The following CNTNAP2 variants were observed in gnomAD, a reference collection of about 807,000 sequenced individuals.
CNTNAP2 encodes the protein contactin associated protein 2, also known as contactin-associated protein-like 2.
A neutral mutation model predicts 155.2 loss-of-function variants in CNTNAP2; 98 were observed. That is an observed-to-expected ratio of 0.63 (90% CI 0.54 to 0.75). The LOEUF is 0.75. Among genes scored for constraint, CNTNAP2 ranks in the 30% least tolerant of loss-of-function variants. The pLI, the probability that CNTNAP2 is intolerant of heterozygous loss-of-function variation, is 0.00. For missense variants in CNTNAP2, 1,727 were observed against 1,688.1 expected (o/e 1.02, Z -0.40); for synonymous variants, 651 against 631.2 (o/e 1.03, Z -0.47).
chr7:147,549,592 T>G (rs1022822419), intron 11 of CNTNAP2, among the ~76,000 whole-genome samples: 1 of 152,112 alleles, frequency 6.6e-6, no homozygotes, highest in African/African-American at 2.4e-5. Context: ...AGTGACCAGG[T>G]CACAGCCATT....
chr7:148,403,423 G>A (rs1364425528), intron 22 of CNTNAP2, among the ~76,000 whole-genome samples: 1 of 152,170 alleles, frequency 6.6e-6, no homozygotes, highest in Non-Finnish European at 1.5e-5. Flanking sequence ...GGATCCGCAA[G>A]AGAAGTATGT....
At chr7:147,087,867 C>T (rs1158163054) in intron 4 of CNTNAP2, among the ~76,000 whole-genome samples, 1 of 152,080 alleles carries the variant, frequency 6.6e-6, no homozygotes, top group Non-Finnish European at 1.5e-5. Context: ...GTCCCAGCTA[C>T]TTGGGAGGCT....
intron 13 of CNTNAP2, among the ~76,000 whole-genome samples, chr7:147,850,452 T>C (rs1047024400): frequency 3.9e-5 from 6 of 152,196 alleles, no homozygotes; most frequent in African/African-American, 2.4e-5. Context: ...AGAGCCCGCA[T>C]TGCCAAGACA....
At chr7:146,167,925 G>A (rs1798336566) in intron 1 of CNTNAP2, among the ~76,000 whole-genome samples, 1 of 152,136 alleles carries the variant, frequency 6.6e-6, no homozygotes, top group Admixed American at 6.5e-5. Flanking sequence ...CTGAAGGCCC[G>A]AGATTCCCCT....
At chr7:148,054,479 C>A (rs1174757653) in intron 15 of CNTNAP2, among the ~76,000 whole-genome samples, 1 of 106,828 alleles carries the variant, frequency 9.4e-6, no homozygotes, top group Non-Finnish European at 1.7e-5. Context: ...TTTTACAGAG[C>A]TGGATAATAA....
chr7:147,983,967 T>C (rs1055287762), intron 15 of CNTNAP2, among the ~76,000 whole-genome samples: 1 of 152,196 alleles, frequency 6.6e-6, no homozygotes, highest in African/African-American at 2.4e-5. Flanking sequence ...AGATTATTCA[T>C]AGATGTGAAT....
chr7:146,865,668 T>C (rs1385068195), intron 3 of CNTNAP2, among the ~76,000 whole-genome samples: 1 of 152,090 alleles, frequency 6.6e-6, no homozygotes, highest in Non-Finnish European at 1.5e-5. Context: ...GCACCACTAG[T>C]TTTAAACCTC....
At chr7:147,225,411 T>C (rs191117593) in intron 8 of CNTNAP2, among the ~76,000 whole-genome samples, 407 of 152,300 alleles carry the variant, frequency 2.7e-3, no homozygotes, top group African/African-American at 9.2e-3. Context: ...CAATACCTGC[T>C]GAAAGTGACT....
chr7:148,316,163 A>G (rs185004380), intron 21 of CNTNAP2, among the ~76,000 whole-genome samples: 23 of 152,144 alleles, frequency 1.5e-4, no homozygotes, highest in African/African-American at 5.5e-4. Flanking sequence ...AACAATCTAC[A>G]TAGAGCAACT....
chr7:147,145,231 A>AT (rs1386101751), intron 8 of CNTNAP2, among the ~76,000 whole-genome samples: 1 of 152,188 alleles, frequency 6.6e-6, no homozygotes, highest in African/African-American at 2.4e-5. Context: ...AGGAGAAGAA[A>AT]TATTCAGTGA....
intron 1 of CNTNAP2, among the ~76,000 whole-genome samples, chr7:146,414,125 A>G (rs981879270): frequency 6.6e-6 from 1 of 152,156 alleles, no homozygotes; most frequent in African/African-American, 2.4e-5. Context: ...CTATGCATCT[A>G]TGTGTATATA....
At chr7:146,711,214 A>G (rs1801063295) in intron 1 of CNTNAP2, among the ~76,000 whole-genome samples, 2 of 148,378 alleles carry the variant, frequency 1.3e-5, no homozygotes, top group Admixed American at 1.4e-4. Flanking sequence ...ACACACATAC[A>G]CATATATTTT....
At chr7:146,847,823 A>G (rs1262121674) in intron 3 of CNTNAP2, among the ~76,000 whole-genome samples, 3 of 152,234 alleles carry the variant, frequency 2.0e-5, no homozygotes, top group South Asian at 4.1e-4. Context: ...TTGTCATATG[A>G]ATTGTGCCTG....
chr7:146,527,611 A>G (rs1797709939), intron 1 of CNTNAP2, among the ~76,000 whole-genome samples: 1 of 151,994 alleles, frequency 6.6e-6, no homozygotes, highest in East Asian at 1.9e-4. Flanking sequence ...ACATTTGAGG[A>G]ATGGATTTTA....
intron 21 of CNTNAP2, among the ~76,000 whole-genome samples, chr7:148,349,653 A>G (rs754340965): frequency 1.3e-4 from 20 of 152,070 alleles, no homozygotes; most frequent in Non-Finnish European, 2.8e-4. Flanking sequence ...CGCCCGTCTC[A>G]GCCTCCCAAA....
chr7:146,161,002 C>G (rs893501019), intron 1 of CNTNAP2, among the ~76,000 whole-genome samples: 1 of 152,180 alleles, frequency 6.6e-6, no homozygotes, highest in East Asian at 1.9e-4. Context: ...AGCTTATCCA[C>G]CAGGATCAAG....
At chr7:146,874,207 A>G (rs1795373228) in intron 3 of CNTNAP2, among the ~76,000 whole-genome samples, 1 of 152,244 alleles carries the variant, frequency 6.6e-6, no homozygotes, top group Admixed American at 6.5e-5. Context: ...GCTGATGTTT[A>G]GGAAAAGTTT....
chr7:147,611,865 G>A (rs1801193453), intron 12 of CNTNAP2, among the ~76,000 whole-genome samples: 1 of 152,114 alleles, frequency 6.6e-6, no homozygotes. Context: ...TTTCCTATCA[G>A]AGTCTAGGCT....
intron 1 of CNTNAP2, among the ~76,000 whole-genome samples, chr7:146,303,183 A>T (rs966645752): frequency 3.3e-5 from 5 of 151,874 alleles, no homozygotes; most frequent in African/African-American, 1.2e-4. Flanking sequence ...ATCAAAAGTG[A>T]TGGGGAAACA....
Sources: gnomAD v4.1 joint callset for allele counts (sites outside exome capture counted in the v4.1 genomes callset) on GRCh38, gnomAD v4.1.1 for gene constraint, MANE v1.5 for transcripts, NCBI Gene and HGNC (gene_info 2026-07-23, HGNC 2026-07-21) for gene names.